Variants in C18orf63 observed in about 807,000 individuals in gnomAD.
The protein encoded by C18orf63 is chromosome 18 open reading frame 63.
C18orf63 carries 50 observed loss-of-function variants against 75.3 expected under a neutral mutation model. The observed-to-expected ratio is 0.66, with a 90% CI of 0.53 to 0.84. The LOEUF (loss-of-function observed/expected upper bound fraction) is 0.84, where lower values mean the gene tolerates loss of function less well. Ranked by LOEUF, C18orf63 falls within the 40% of genes least tolerant of loss-of-function variation. C18orf63 has a pLI of 0.00. For synonymous variants in C18orf63, 232 were observed against 267.6 expected (o/e 0.87, Z 1.30); for missense variants, 732 against 800.2 (o/e 0.91, Z 1.03).
chr18:74,326,544 T>C (rs1984211375), intron 4 of C18orf63, among the ~76,000 whole-genome samples: 1 of 152,184 alleles, frequency 6.6e-6, no homozygotes, highest in African/African-American at 2.4e-5. Flanking sequence ...TCTAGCTTCC[T>C]AGACTCTCAG....
rs1026507775 is a variant in C18orf63, at chr18:74,338,843, A to G, written c.611+19A>G. Reference sequence around the variant, plus strand: ...TGCCAAGGTGAGATTTCAATTTGTAATATCTAGGGTGGGTTCAAAATATGG... The same window carrying G: ...TGCCAAGGTGAGATTTCAATTTGTAGTATCTAGGGTGGGTTCAAAATATGG... On this transcript the variant is annotated intron_variant, in intron 8 of 13. Transcript: ENST00000579455. The G allele has an allele frequency of 5.8e-5, 67 of 1,163,082 alleles. No individual in the cohort carries two copies. Among genetic ancestry groups the G allele is most frequent in the Non-Finnish European group, 7.4e-5 (63 of 852,072 alleles). The allele number at this position is 1,163,082 out of a possible 1,614,324, so 72.0% of individuals were successfully genotyped here.
intron 4 of C18orf63, among the ~76,000 whole-genome samples, chr18:74,324,638 T>C (rs1007325115): frequency 1.3e-5 from 2 of 152,176 alleles, no homozygotes. Flanking sequence ...TTATGTGTAC[T>C]TTACAAGAAA....
chr18:74,330,330 T>G (rs187208507), intron 6 of C18orf63, among the ~76,000 whole-genome samples: 1 of 152,154 alleles, frequency 6.6e-6, no homozygotes, highest in South Asian at 2.1e-4. Flanking sequence ...GCTTTTTTCA[T>G]GTACTAACCC....
intron 7 of C18orf63, among the ~76,000 whole-genome samples, chr18:74,335,999 C>T (rs1017817226): frequency 6.6e-6 from 1 of 151,998 alleles, no homozygotes; most frequent in African/African-American, 2.4e-5. Flanking sequence ...ATAATGATAT[C>T]CCTTCTAGGG....
At chr18:74,346,927 C>T (rs1205276312) in intron 11 of C18orf63, among the ~76,000 whole-genome samples, 4 of 152,082 alleles carry the variant, frequency 2.6e-5, no homozygotes, top group Non-Finnish European at 2.9e-5. Flanking sequence ...AAGAGGAGAC[C>T]GAAGCTCAGA....
At position 74,354,520 on chromosome 18, in the gene C18orf63, G is replaced by A; in HGVS notation, c.*7G>A. ...CATCATTCATAATGCTTAGAACATG[G>A]ACCTGAAAGAAGGAAATGTCTACCA... is the stretch of plus-strand genomic sequence containing the variant. On this transcript the variant is annotated 3_prime_UTR_variant, in exon 13 of 14. Coordinates refer to ENST00000579455, the MANE Select transcript of C18orf63 (RefSeq NM_001174123.2). The A allele has an allele frequency of 7.1e-7, 1 of 1,413,880 alleles. No homozygotes were observed. The highest frequency in any genetic ancestry group is 9.6e-7 in the Non-Finnish European group (1 of 1,044,882). 87.6% of individuals were successfully genotyped at this position (1,413,880 alleles called of 1,614,324 possible). A position where few individuals can be genotyped will look rare whatever the true frequency, so the allele number is the denominator to read the frequency against.
At chr18:74,328,566 A>C (rs888533879) in intron 5 of C18orf63, among the ~76,000 whole-genome samples, 1 of 152,178 alleles carries the variant, frequency 6.6e-6, no homozygotes, top group Non-Finnish European at 1.5e-5. Flanking sequence ...GCCCACAACA[A>C]CATAAATGTC....
At chr18:74,328,923 G>A (rs1316920363) in intron 5 of C18orf63, 72 bp from the exon 6 acceptor site, 3 of 835,826 alleles carry the variant, frequency 3.6e-6, no homozygotes, top group Middle Eastern at 2.2e-4. Flanking sequence ...CTCACATCAA[G>A]CATAGTTATA....
Position 74,328,075 on chromosome 18 carries a change from A to G in C18orf63, c.382+17A>G, listed in dbSNP as rs1243098527. The G allele has an allele frequency of 2.1e-6, 3 of 1,398,696 alleles. No individual in the cohort carries two copies. In the Admixed American group the frequency reaches 5.9e-5, roughly 28 times the overall value. 86.6% of individuals were successfully genotyped at this position (1,398,696 alleles called of 1,614,324 possible). ...TGATACAAGGTAACTTTATCTTTTT[A>G]GTCATTGGGGCTTTCTGAACTAGAT... On this transcript the variant is annotated intron_variant, in intron 5 of 13. Coordinates refer to ENST00000579455, the MANE Select transcript of C18orf63 (RefSeq NM_001174123.2).
Position 74,353,685 on chromosome 18 carries a change from C to G in C18orf63, c.1418C>G (p.Thr473Ser). 2 of 1,536,002 alleles carry G rather than the reference C, an allele frequency of 1.3e-6. No individual in the cohort carries two copies. Among genetic ancestry groups the G allele is most frequent in the Non-Finnish European group, 1.7e-6 (2 of 1,146,838 alleles). The change falls in exon 12 of 14, where the codon ACT becomes AGT. Residue 473 changes from threonine to serine, a missense_variant. By Grantham distance (58) the Thr-to-Ser change is moderately conservative. This residue lies in a region of C18orf63 where 495 missense variants were observed against 508.7 expected (regional missense o/e 0.97). Coordinates refer to ENST00000579455, the MANE Select transcript of C18orf63 (RefSeq NM_001174123.2). ...VTQSKLFSLK[T>S]SMIQHDKLNL... ...CAATCTAAATTGTTTTCACTCAAAA[C>G]TAGTATGATCCAGCATGACAAACTG...
chr18:74,355,614 T>G (rs1179393681), intron 13 of C18orf63, among the ~76,000 whole-genome samples: 2 of 151,806 alleles, frequency 1.3e-5, no homozygotes, highest in Admixed American at 1.3e-4. Context: ...AGACCCTGTC[T>G]CCACAAAAAA....
intron 10 of C18orf63, among the ~76,000 whole-genome samples, chr18:74,343,102 G>A (rs2145127214): frequency 6.6e-6 from 1 of 152,256 alleles, no homozygotes; most frequent in Middle Eastern, 3.4e-3. Flanking sequence ...TCAAAGAACT[G>A]CTTTTGCAGC....
intron 7 of C18orf63, 62 bp downstream of exon 7, chr18:74,331,004 T>C: frequency 1.6e-6 from 1 of 644,892 alleles, no homozygotes; most frequent in East Asian, 3.4e-5. Context: ...ATATTTATTA[T>C]TGTTACTAAC....
intron 6 of C18orf63, among the ~76,000 whole-genome samples, chr18:74,330,635 C>G (rs1243712307): frequency 2.0e-5 from 3 of 151,942 alleles, no homozygotes; most frequent in Admixed American, 6.6e-5. Flanking sequence ...TTGCCTATGA[C>G]CTGCACCCCC....
chr18:74,341,098 A>G (rs1288931793), intron 8 of C18orf63, among the ~76,000 whole-genome samples: 1 of 151,210 alleles, frequency 6.6e-6, no homozygotes, highest in Non-Finnish European at 1.5e-5. Context: ...CCCCGTCTCT[A>G]CTAAAAATAC....
At position 74,343,714 on chromosome 18, in the gene C18orf63, C is replaced by A; in HGVS notation, c.978+12C>A. ...AACCTAATATACAGGTAAGAGATCT[C>A]TTGTCCTATCTAGTTCTCCAAGACA... On this transcript the variant is annotated intron_variant, in intron 11 of 13. Coordinates refer to ENST00000579455, the MANE Select transcript of C18orf63 (RefSeq NM_001174123.2). 1 of 1,455,700 alleles carries A rather than the reference C, an allele frequency of 6.9e-7. No homozygotes were observed. The highest frequency in any genetic ancestry group is 1.4e-5 in the South Asian group (1 of 73,166). 90.2% of individuals were successfully genotyped at this position (1,455,700 alleles called of 1,614,324 possible). A position where few individuals can be genotyped will look rare whatever the true frequency, so the allele number is the denominator to read the frequency against.
chr18:74,325,884 A>G (rs543425026), intron 4 of C18orf63, among the ~76,000 whole-genome samples: 62 of 152,326 alleles, frequency 4.1e-4, no homozygotes, highest in Middle Eastern at 3.4e-3. Context: ...TTGCACTGCA[A>G]GGCATCCAGG....
intron 8 of C18orf63, among the ~76,000 whole-genome samples, chr18:74,341,733 C>CA (rs11415690): frequency 0.061 from 8,373 of 136,420 alleles, 703 homozygotes; most frequent in African/African-American, 0.2. Context: ...TGGTCTACCA[C>CA]AAAAAAAAAA....
At position 74,356,521 on chromosome 18, in the gene C18orf63, G is replaced by T. The variant is rs1380754351; in HGVS notation, c.*74G>T. ...ATATAGGATGAACACTCTTCCAGAT[G>T]CCTCTCACACTCCTGTGACCATGAA... is the stretch of plus-strand genomic sequence containing the variant. On this transcript the variant is annotated 3_prime_UTR_variant, in exon 14 of 14. Transcript: ENST00000579455. The T allele has an allele frequency of 2.6e-5, 4 of 152,620 alleles. No homozygotes were observed. The highest frequency in any genetic ancestry group is 9.7e-5 in the African/African-American group (4 of 41,440). 9.5% of individuals were successfully genotyped at this position (152,620 alleles called of 1,614,324 possible).
Sources: allele counts gnomAD v4.1 joint callset (sites outside exome capture counted in the v4.1 genomes callset), GRCh38; gene constraint gnomAD v4.1.1; regional missense constraint gnomAD v4.1.1; transcripts MANE v1.5; gene names NCBI Gene and HGNC (gene_info 2026-07-23, HGNC 2026-07-21).